RANGAP1: variants seen among roughly 807,000 people sequenced by gnomAD.
The protein encoded by RANGAP1 is ran GTPase-activating protein 1.
RANGAP1 carries 38 observed loss-of-function variants against 63.5 expected under a neutral mutation model. The observed-to-expected ratio is 0.60, with a 90% CI of 0.46 to 0.78. The LOEUF (loss-of-function observed/expected upper bound fraction) is 0.78, where lower values mean the gene tolerates loss of function less well. Among genes scored for constraint, RANGAP1 ranks in the 30% least tolerant of loss-of-function variants. The probability of loss-of-function intolerance (pLI) is 0.00; values close to 1 mark genes in which losing one functional copy is unlikely to be tolerated. For synonymous variants in RANGAP1, 329 were observed against 310.5 expected (o/e 1.06, Z -0.63); for missense variants, 630 against 740.3 (o/e 0.85, Z 1.73).
intron 15 of RANGAP1, among the ~76,000 whole-genome samples, chr22:41,247,515 C>A (rs1357974250): frequency 6.6e-6 from 1 of 152,144 alleles, no homozygotes; most frequent in Non-Finnish European, 1.5e-5. Context: ...CCACACCCGG[C>A]TAACTTTGTA....
chr22:41,269,118 C>T (rs1049339184), intron 3 of RANGAP1, among the ~76,000 whole-genome samples: 1 of 152,028 alleles, frequency 6.6e-6, no homozygotes, highest in Non-Finnish European at 1.5e-5. Context: ...CTCACTCTGT[C>T]GCCTAGGCTG....
chr22:41,260,888 A>G (rs1164185846), intron 6 of RANGAP1, among the ~76,000 whole-genome samples: 1 of 152,188 alleles, frequency 6.6e-6, no homozygotes, highest in Non-Finnish European at 1.5e-5. Context: ...CAAAGTTTTC[A>G]GTCCTGTTAG....
At chr22:41,250,904 T>G in intron 13 of RANGAP1, 103 bp downstream of exon 13, 4 of 936,072 alleles carry the variant, frequency 4.3e-6, no homozygotes, top group South Asian at 1.5e-5. Context: ...GCAGTTCCCA[T>G]GAGAGCGCTG....
chr22:41,263,074 C>G (rs955356297), intron 5 of RANGAP1, among the ~76,000 whole-genome samples: 4 of 152,142 alleles, frequency 2.6e-5, no homozygotes, highest in Admixed American at 2.6e-4. Flanking sequence ...GCACAGAGAA[C>G]CATCAATCAA....
chr22:41,251,619 T>C (rs1231400698), intron 12 of RANGAP1, among the ~76,000 whole-genome samples: 4 of 147,784 alleles, frequency 2.7e-5, no homozygotes, highest in Admixed American at 6.7e-5. Flanking sequence ...AAGCAAAACA[T>C]TGTCTCAGAA....
intron 8 of RANGAP1, 49 bp from the exon 9 acceptor site, chr22:41,256,339 C>T (rs1320137651): frequency 2.5e-6 from 4 of 1,568,934 alleles, no homozygotes; most frequent in Admixed American, 1.7e-5. Context: ...CGGGCCAGGA[C>T]ACCAGGTTCT....
chr22:41,258,533 C>A (rs1468398629), intron 6 of RANGAP1, among the ~76,000 whole-genome samples: 1 of 152,254 alleles, frequency 6.6e-6, no homozygotes, highest in Non-Finnish European at 1.5e-5. Context: ...CACAACATAA[C>A]CCCTTCGACA....
rs2032966118 is a variant in RANGAP1, at chr22:41,245,418, G to T, written c.*1185C>A. ...CCAAAGGCAGGGTGCTGGGTGAGGTGTGGCCAGGCAGGAAAATGGGCCCCC... is the reference window on the plus strand; with the variant it reads ...CCAAAGGCAGGGTGCTGGGTGAGGTTTGGCCAGGCAGGAAAATGGGCCCCC... On this transcript the variant is annotated 3_prime_UTR_variant, in exon 16 of 16. Transcript: ENST00000356244. Among the ~76,000 whole-genome samples the T allele has an allele frequency of 6.6e-6, 1 of 152,240 alleles. No homozygotes were observed. Among genetic ancestry groups the T allele is most frequent in the African/African-American group, 2.4e-5 (1 of 41,470 alleles).
At chr22:41,259,713 A>C (rs1408875827) in intron 6 of RANGAP1, among the ~76,000 whole-genome samples, 2 of 152,154 alleles carry the variant, frequency 1.3e-5, no homozygotes, top group African/African-American at 4.8e-5. Context: ...ATTTTTTTAA[A>C]AATTTTAAGC....
intron 3 of RANGAP1, among the ~76,000 whole-genome samples, chr22:41,271,573 A>C (rs2145798911): frequency 6.6e-6 from 1 of 151,808 alleles, no homozygotes; most frequent in South Asian, 2.1e-4. Context: ...AGGCACCCGT[A>C]GTCCCAGCCA....
At chr22:41,259,991 G>C (rs1318892336) in intron 6 of RANGAP1, among the ~76,000 whole-genome samples, 1 of 150,652 alleles carries the variant, frequency 6.6e-6, no homozygotes, top group Non-Finnish European at 1.5e-5. Context: ...GGGCAACAGA[G>C]CGAGACCCTG....
At chr22:41,255,185 G>A (rs1288022657) in intron 10 of RANGAP1, among the ~76,000 whole-genome samples, 1 of 152,120 alleles carries the variant, frequency 6.6e-6, no homozygotes, top group Non-Finnish European at 1.5e-5. Context: ...GGAGGAAGAA[G>A]AGTAGGGGTG....
rs1038902741 is a variant in RANGAP1, at chr22:41,278,323, G to A, written c.112+2610C>T. Among the ~76,000 whole-genome samples the A allele has an allele frequency of 6.6e-5, 10 of 152,196 alleles. No individual in the cohort carries two copies. In the South Asian group the frequency reaches 1.4e-3, roughly 22 times the overall value. ...CAAAGTGCTGGGATTACAGGCGTGA[G>A]CCACCGCACCTGGCCCAAACTTGAG... On this transcript the variant is annotated intron_variant, in intron 2 of 15. Coordinates refer to ENST00000356244, the MANE Select transcript of RANGAP1 (RefSeq NM_002883.4).
At chr22:41,249,693 C>T in intron 14 of RANGAP1, 36 bp downstream of exon 14, 1 of 1,587,856 alleles carries the variant, frequency 6.3e-7, no homozygotes, top group African/African-American at 1.3e-5. Context: ...ACCCCACCCA[C>T]CTCCCTCCCG....
chr22:41,255,009 G>T (rs534805008), intron 10 of RANGAP1, among the ~76,000 whole-genome samples: 1 of 151,508 alleles, frequency 6.6e-6, no homozygotes, highest in South Asian at 2.1e-4. Context: ...AAAAAAATCA[G>T]ATCTTGTCCC....
chr22:41,269,264 G>A (rs1317774846), intron 3 of RANGAP1, among the ~76,000 whole-genome samples: 1 of 152,024 alleles, frequency 6.6e-6, no homozygotes, highest in East Asian at 1.9e-4. Context: ...GAAAGTATTA[G>A]GCAATTCATA....
At chr22:41,279,967 G>A (rs1211665292) in intron 2 of RANGAP1, among the ~76,000 whole-genome samples, 2 of 151,386 alleles carry the variant, frequency 1.3e-5, no homozygotes, top group East Asian at 3.9e-4. Context: ...GTGTGGTGGT[G>A]GGCGCCTGTA....
intron 6 of RANGAP1, among the ~76,000 whole-genome samples, chr22:41,259,757 C>G (rs1050448736): frequency 6.6e-6 from 1 of 152,194 alleles, no homozygotes; most frequent in African/African-American, 2.4e-5. Flanking sequence ...AATCCCAGCA[C>G]TTTAGGAGGC....
At chr22:41,248,377 C>T (rs1011929412) in intron 15 of RANGAP1, among the ~76,000 whole-genome samples, 9 of 152,328 alleles carry the variant, frequency 5.9e-5, no homozygotes, top group South Asian at 2.1e-4. Flanking sequence ...AAGGAGGCGG[C>T]GCCATGCAGA....
Sources: gnomAD v4.1 joint callset for allele counts (sites outside exome capture counted in the v4.1 genomes callset) on GRCh38, gnomAD v4.1.1 for gene constraint, MANE v1.5 for transcripts, NCBI Gene and HGNC (gene_info 2026-07-23, HGNC 2026-07-21) for gene names.